The following ALDH2 variants were observed in gnomAD, a reference collection of about 807,000 sequenced individuals.
The protein encoded by ALDH2 is aldehyde dehydrogenase, mitochondrial.
ALDH2 carries 44 observed loss-of-function variants against 59.6 expected under a neutral mutation model. That is an observed-to-expected ratio of 0.74 (90% CI 0.58 to 0.95). The LOEUF is 0.95. ALDH2 is among the 40% of genes least tolerant of loss of function. The probability of loss-of-function intolerance (pLI) is 0.00; values close to 1 mark genes in which losing one functional copy is unlikely to be tolerated. For missense variants in ALDH2, 570 were observed against 696.3 expected, an observed-to-expected ratio of 0.82 and a Z score of 2.04; for synonymous variants, 291 against 284.0, an observed-to-expected ratio of 1.02 and a Z score of -0.25.
chr12:111,775,371 CACTT>C (rs2068227426), intron 1 of ALDH2, among the ~76,000 whole-genome samples: 1 of 152,206 alleles, frequency 6.6e-6, no homozygotes, highest in South Asian at 2.1e-4. Flanking sequence ...TCCTGCTTCT[CACTT>C]GCTTGGTTTT....
At chr12:111,773,795 T>A (rs1174075273) in intron 1 of ALDH2, among the ~76,000 whole-genome samples, 1 of 152,216 alleles carries the variant, frequency 6.6e-6, no homozygotes, top group Non-Finnish European at 1.5e-5. Context: ...ATTGTTCACT[T>A]TTGCATTCCT....
At chr12:111,770,245 T>C (rs1593067639) in intron 1 of ALDH2, among the ~76,000 whole-genome samples, 2 of 152,288 alleles carry the variant, frequency 1.3e-5, no homozygotes, top group East Asian at 3.9e-4. Context: ...CAGTGCTGGC[T>C]TCATGGCCAC....
rs549324820 is a variant in ALDH2, at chr12:111,791,963, C to T, written c.796-98C>T. The T allele has an allele frequency of 9.0e-5, 69 of 767,532 alleles. No individual in the cohort carries two copies. In the Admixed American group the frequency reaches 1.7e-3, roughly 19 times the overall value. 47.5% of individuals were successfully genotyped at this position (767,532 alleles called of 1,614,324 possible). ...CTCTAGGTCTCTCGTGGTCCAGTTGCTCACTCAAGCTGTGGGGGACTCTGT... is the reference window on the plus strand; with the variant it reads ...CTCTAGGTCTCTCGTGGTCCAGTTGTTCACTCAAGCTGTGGGGGACTCTGT... On this transcript the variant is annotated intron_variant, in intron 7 of 12. Coordinates refer to ENST00000261733, the MANE Select transcript of ALDH2 (RefSeq NM_000690.4).
intron 1 of ALDH2, among the ~76,000 whole-genome samples, chr12:111,767,561 C>A (rs931609500): frequency 3.1e-4 from 47 of 152,206 alleles, no homozygotes; most frequent in Admixed American, 3.9e-4. Context: ...TGATTTGCAG[C>A]CACGTTCTCC....
chr12:111,799,700 C>T (rs538364218), intron 10 of ALDH2: 22 of 504,922 alleles, frequency 4.4e-5, no homozygotes, highest in Admixed American at 3.3e-4. Flanking sequence ...ATGTAAAGCC[C>T]GGGGCGCACA....
chr12:111,787,884 A>AT (rs1478198528), intron 4 of ALDH2, among the ~76,000 whole-genome samples: 1 of 151,912 alleles, frequency 6.6e-6, no homozygotes, highest in Non-Finnish European at 1.5e-5. Context: ...ATATATATAT[A>AT]AAAAATTAGC....
At chr12:111,781,684 C>T (rs1347530017) in intron 1 of ALDH2, among the ~76,000 whole-genome samples, 2 of 152,168 alleles carry the variant, frequency 1.3e-5, no homozygotes, top group Non-Finnish European at 2.9e-5. Flanking sequence ...ACATTCTCTT[C>T]ATTTTTTAAA....
intron 9 of ALDH2, among the ~76,000 whole-genome samples, chr12:111,796,631 G>A (rs75262684): frequency 0.015 from 2,353 of 152,184 alleles, 70 homozygotes; most frequent in African/African-American, 0.053. Flanking sequence ...GGCTGGGTGT[G>A]GTGGCTAACC....
At chr12:111,792,279 G>A (rs1399048431) in intron 8 of ALDH2, 116 bp downstream of exon 8, 9 of 848,768 alleles carry the variant, frequency 1.1e-5, no homozygotes, top group Admixed American at 8.3e-5. Context: ...GCTGTCCCTC[G>A]GGCCTCAGGA....
Position 111,816,971 on chromosome 12 carries a change from G to C in ALDH2, c.*7396G>C, listed in dbSNP as rs1351923092. On this transcript the variant is annotated 3_prime_UTR_variant, in exon 13 of 13. Coordinates refer to ENST00000261733, the MANE Select transcript of ALDH2 (RefSeq NM_000690.4). ...ACTCACTTTGGTTATATTCTAAGTT[G>C]GTTACACAAATATGAGTGTGATTAA... 1 of 152,146 alleles carries C rather than the reference G, an allele frequency of 6.6e-6. No individual in the cohort carries two copies. The highest frequency in any genetic ancestry group is 1.5e-5 in the Non-Finnish European group (1 of 68,028). The allele number at this position is 152,146 out of a possible 1,614,324, so 9.4% of individuals were successfully genotyped here.
intron 1 of ALDH2, among the ~76,000 whole-genome samples, chr12:111,778,263 G>A (rs1288670041): frequency 1.3e-5 from 2 of 152,254 alleles, no homozygotes; most frequent in East Asian, 3.9e-4. Context: ...GCCCATATTC[G>A]GCCAGGCGCG....
chr12:111,789,347 G>A (rs1400867002), intron 4 of ALDH2, among the ~76,000 whole-genome samples: 2 of 151,572 alleles, frequency 1.3e-5, no homozygotes, highest in African/African-American at 4.8e-5. Flanking sequence ...AACAAAGAAG[G>A]TCAGGCATGG....
chr12:111,805,222 A>C (rs1327270615), intron 12 of ALDH2, among the ~76,000 whole-genome samples: 1 of 152,184 alleles, frequency 6.6e-6, no homozygotes, highest in Non-Finnish European at 1.5e-5. Context: ...ATAAATATAA[A>C]AAAAGAAAGG....
intron 3 of ALDH2, among the ~76,000 whole-genome samples, chr12:111,783,758 C>T (rs1043080752): frequency 2.6e-5 from 4 of 152,170 alleles, no homozygotes; most frequent in African/African-American, 9.7e-5. Flanking sequence ...AATCCACCTG[C>T]CTCAGCCTCC....
At chr12:111,800,948 G>C (rs2068447173) in intron 11 of ALDH2, among the ~76,000 whole-genome samples, 1 of 152,252 alleles carries the variant, frequency 6.6e-6, no homozygotes, top group South Asian at 2.1e-4. Context: ...AATGGATACA[G>C]AATGTGATCT....
intron 1 of ALDH2, among the ~76,000 whole-genome samples, chr12:111,777,625 C>T (rs1411509811): frequency 6.6e-6 from 1 of 152,194 alleles, no homozygotes; most frequent in Non-Finnish European, 1.5e-5. Flanking sequence ...CCCCCATCTT[C>T]CAGCAGGCAG....
chr12:111,793,906 A>G (rs963745979), intron 9 of ALDH2, among the ~76,000 whole-genome samples: 1 of 151,454 alleles, frequency 6.6e-6, no homozygotes, highest in African/African-American at 2.4e-5. Context: ...CATAATGTGT[A>G]TGATACCATC....
intron 4 of ALDH2, among the ~76,000 whole-genome samples, chr12:111,788,082 G>A (rs73205605): frequency 0.027 from 4,068 of 151,294 alleles, 70 homozygotes; most frequent in Non-Finnish European, 0.044. Context: ...TTAGATGGGC[G>A]TCTTGGCAGG....
intron 8 of ALDH2, 49 bp from the exon 9 acceptor site, chr12:111,792,549 G>A (rs1271822503): frequency 1.3e-6 from 2 of 1,578,526 alleles, no homozygotes; most frequent in African/African-American, 1.3e-5. Flanking sequence ...CCAGGGCCAG[G>A]GTCCTCCTCC....
Sources: allele counts gnomAD v4.1 joint callset (sites outside exome capture counted in the v4.1 genomes callset), GRCh38; gene constraint gnomAD v4.1.1; transcripts MANE v1.5; gene names NCBI Gene and HGNC (gene_info 2026-07-23, HGNC 2026-07-21).